The following SLC35F3 variants were observed in gnomAD, a reference collection of about 807,000 sequenced individuals.
SLC35F3 encodes the protein putative thiamine transporter SLC35F3.
In SLC35F3, 25 loss-of-function variants were observed where a neutral mutation model predicts 49.9. The observed-to-expected ratio is 0.50, with a 90% CI of 0.37 to 0.70. The LOEUF (loss-of-function observed/expected upper bound fraction) is 0.70. Among genes scored for constraint, SLC35F3 ranks in the 30% least tolerant of loss-of-function variants. The pLI is 0.00. For synonymous variants in SLC35F3, 275 were observed against 265.4 expected, an observed-to-expected ratio of 1.04 and a Z score of -0.35; for missense variants, 525 against 639.8, an observed-to-expected ratio of 0.82 and a Z score of 1.94.
At chr1:233,996,999 A>G (rs1015830498) in intron 2 of SLC35F3, among the ~76,000 whole-genome samples, 4 of 152,190 alleles carry the variant, frequency 2.6e-5, no homozygotes, top group African/African-American at 9.7e-5. Context: ...AAGTGAGATC[A>G]TCTGGTATTT....
rs371449053 is a variant in SLC35F3 at position 234,012,852 on chromosome 1, A to T, written c.283+107094A>T. On this transcript the variant is annotated intron_variant, in intron 2 of 7. Transcript: ENST00000366618. ...AAATATACAAAGCAAATATTAAAGG[A>T]TCTGAAGGAAGAGATAGACTCAATA... Among the ~76,000 whole-genome samples the T allele has an allele frequency of 1.7e-3, 262 of 152,326 alleles. 9 individuals are homozygous for T. In the South Asian group the frequency reaches 0.052, roughly 30 times the overall value.
intron 2 of SLC35F3, among the ~76,000 whole-genome samples, chr1:233,930,649 A>G (rs1662229036): frequency 6.6e-6 from 1 of 152,188 alleles, no homozygotes; most frequent in African/African-American, 2.4e-5. Flanking sequence ...CCAGTAGCTT[A>G]CCGTTGACTG....
intron 2 of SLC35F3, among the ~76,000 whole-genome samples, chr1:234,100,815 A>G (rs1665203584): frequency 6.6e-6 from 1 of 152,254 alleles, no homozygotes; most frequent in Non-Finnish European, 1.5e-5. Context: ...TTGCTTCCAC[A>G]GAGCATATTA....
intron 2 of SLC35F3, among the ~76,000 whole-genome samples, chr1:233,934,302 C>T (rs999764120): frequency 6.6e-6 from 1 of 152,136 alleles, no homozygotes; most frequent in Non-Finnish European, 1.5e-5. Context: ...AAGACACTTC[C>T]CCACTTTCTA....
At chr1:234,205,867 G>A (rs1666962127) in intron 2 of SLC35F3, among the ~76,000 whole-genome samples, 4 of 152,302 alleles carry the variant, frequency 2.6e-5, no homozygotes, top group Admixed American at 2.6e-4. Context: ...TCCCCAAGAG[G>A]CTCCTCTTGC....
At chr1:233,976,333 A>G (rs1006022443) in intron 2 of SLC35F3, among the ~76,000 whole-genome samples, 3 of 152,086 alleles carry the variant, frequency 2.0e-5, no homozygotes, top group Non-Finnish European at 2.9e-5. Flanking sequence ...AACTCCTTTC[A>G]TTTTTCTTTT....
At chr1:234,011,120 C>T (rs1255580227) in intron 2 of SLC35F3, among the ~76,000 whole-genome samples, 3 of 152,042 alleles carry the variant, frequency 2.0e-5, no homozygotes, top group African/African-American at 7.2e-5. Flanking sequence ...ATATTAAATA[C>T]TGAAATAAAT....
intron 2 of SLC35F3, among the ~76,000 whole-genome samples, chr1:234,185,663 C>T (rs1666631975): frequency 6.6e-6 from 1 of 152,116 alleles, no homozygotes; most frequent in Non-Finnish European, 1.5e-5. Flanking sequence ...TACAGAATAC[C>T]CAGGGGTGAT....
intron 2 of SLC35F3, among the ~76,000 whole-genome samples, chr1:233,972,286 C>T (rs951339701): frequency 6.6e-6 from 1 of 152,204 alleles, no homozygotes; most frequent in Non-Finnish European, 1.5e-5. Context: ...CTTATCTGAA[C>T]ATTAAACAGC....
At position 233,905,671 on chromosome 1, in the gene SLC35F3, G is replaced by C. The variant is rs767790672; in HGVS notation, c.196G>C (p.Gly66Arg). 1.2e-6 allele frequency: 2 copies of C among 1,614,082 alleles called. No individual in the cohort carries two copies. Among genetic ancestry groups the C allele is most frequent in the Non-Finnish European group, 1.7e-6 (2 of 1,180,052 alleles). ...WSRSVEDLTS[G>R]PVGLTSIEER... ...GCGCTCCGTGGAGGATCTCACCAGC[G>C]GGCCGGTGGGGCTCACGTCCATCGA... Residue 66 changes from glycine to arginine, a missense_variant, in exon 2 of 8, where the codon GGG (glycine) becomes CGG (arginine). Physicochemically the swap from Gly to Arg is moderately radical, Grantham distance 125. Transcript: ENST00000366618.
chr1:234,272,973 C>T (rs1280898277), intron 3 of SLC35F3, among the ~76,000 whole-genome samples: 1 of 152,214 alleles, frequency 6.6e-6, no homozygotes, highest in African/African-American at 2.4e-5. Context: ...GGGGGCTTTA[C>T]TAATGAGGCT....
intron 2 of SLC35F3, among the ~76,000 whole-genome samples, chr1:234,182,397 T>G (rs181883700): frequency 6.6e-6 from 1 of 152,358 alleles, no homozygotes; most frequent in African/African-American, 2.4e-5. Flanking sequence ...AGGAGCCCTG[T>G]GTCTTTCAGT....
intron 3 of SLC35F3, among the ~76,000 whole-genome samples, chr1:234,275,912 CCTTTATTTT>C (rs1668202999): frequency 6.6e-6 from 1 of 151,948 alleles, no homozygotes; most frequent in Admixed American, 6.6e-5. Context: ...AGAGTAGGTA[CCTTTATTTT>C]CTTCATTTCC....
intron 2 of SLC35F3, among the ~76,000 whole-genome samples, chr1:233,977,014 G>T (rs896505291): frequency 6.6e-6 from 1 of 152,184 alleles, no homozygotes; most frequent in Non-Finnish European, 1.5e-5. Flanking sequence ...GCCAGCTCTG[G>T]GAGACCTTTC....
rs773955695 is a variant in SLC35F3, at chr1:233,905,110, C to G, written c.33C>G (p.Pro11=). 3 of 1,562,164 alleles carry G rather than the reference C, an allele frequency of 1.9e-6. No homozygotes were observed. Among genetic ancestry groups the G allele is most frequent in the Admixed American group, 3.8e-5 (2 of 51,954 alleles). ...TTCGAGAGTTTCCCAGCGGCGCACC[C>G]AGGGGCAAGAGCATTGCCGTGTGAG... MGIREFPSGA[P]RGKSIAVGMR... is the part of the protein sequence containing the mutation. The change falls in exon 1 of 8, where the codon CCC becomes CCG. Residue 11 remains proline (P), a synonymous_variant. Transcript: ENST00000366618.
At position 234,165,402 on chromosome 1, in the gene SLC35F3, C is replaced by T. The variant is rs75993484; in HGVS notation, c.284-66015C>T. 7.7e-3 allele frequency among the ~76,000 whole-genome samples: 1,166 copies of T among 152,228 alleles called. 21 individuals are homozygous for T. Among genetic ancestry groups the T allele is most frequent in the African/African-American group, 0.025 (1,053 of 41,528 alleles). On this transcript the variant is annotated intron_variant, in intron 2 of 7. Transcript: ENST00000366618. ...CTAGAGAGAGAAGAAAGGCAAAAAT[C>T]AAATTTTTTGTAGAGAGAGAAGGTC... is the stretch of plus-strand genomic sequence containing the variant.
At chr1:234,068,656 T>C (rs1664655721) in intron 2 of SLC35F3, among the ~76,000 whole-genome samples, 1 of 149,676 alleles carries the variant, frequency 6.7e-6, no homozygotes, top group Non-Finnish European at 1.5e-5. Context: ...GTCAGAGAGG[T>C]GTGTGTGTGA....
chr1:233,995,757 C>A (rs1329876999), intron 2 of SLC35F3, among the ~76,000 whole-genome samples: 2 of 152,180 alleles, frequency 1.3e-5, no homozygotes, highest in Non-Finnish European at 2.9e-5. Flanking sequence ...ACAAGTTCAG[C>A]AGCCTTCAAA....
At chr1:233,959,190 G>A (rs1016675224) in intron 2 of SLC35F3, among the ~76,000 whole-genome samples, 4 of 151,662 alleles carry the variant, frequency 2.6e-5, no homozygotes, top group South Asian at 2.1e-4. Flanking sequence ...TTATTCTCAC[G>A]TATAAAGTAG....
Sources: gnomAD v4.1 joint callset for allele counts (sites outside exome capture counted in the v4.1 genomes callset) on GRCh38, gnomAD v4.1.1 for gene constraint, MANE v1.5 for transcripts, NCBI Gene and HGNC (gene_info 2026-07-23, HGNC 2026-07-21) for gene names.